NR6A1: variants seen among roughly 807,000 people sequenced by gnomAD.
The protein encoded by NR6A1 is nuclear receptor subfamily 6 group A member 1, also known as retinoic acid receptor-related testis-associated receptor.
Under a neutral mutation model 59.1 loss-of-function variants are expected in NR6A1, and 7 were observed. The observed-to-expected ratio is 0.12, with a 90% confidence interval of 0.07 to 0.22. The LOEUF (loss-of-function observed/expected upper bound fraction) is 0.22. NR6A1 is among the 10% of genes least tolerant of loss of function. NR6A1 has a pLI of 1.00. For synonymous variants in NR6A1, 243 were observed against 236.1 expected (o/e 1.03, Z -0.27); for missense variants, 468 against 611.6 (o/e 0.77, Z 2.48).
chr9:124,659,249 G>C (rs943936408), intron 2 of NR6A1, among the ~76,000 whole-genome samples: 1 of 151,884 alleles, frequency 6.6e-6, no homozygotes, highest in Non-Finnish European at 1.5e-5. Flanking sequence ...TAGGCCAGCA[G>C]TGGGTGAGAC....
In NR6A1 at chr9:124,687,291, A is replaced by ATTAATTAATTAATTATTTAT. The variant is rs59770058; in HGVS notation, c.142+46016_142+46017insATAAATAATTAATTAATTAA. Among the ~76,000 whole-genome samples the ATTAATTAATTAATTATTTAT allele has an allele frequency of 2.5e-3, 358 of 142,158 alleles. 1 individual carries two copies. The highest frequency in any genetic ancestry group is 0.011 in the East Asian group (51 of 4,842). The allele number at this position is 142,158 out of a possible 152,430, so 93.3% of individuals were successfully genotyped here. A position where few individuals can be genotyped will look rare whatever the true frequency, so the allele number is the denominator to read the frequency against. The stretch of plus-strand genomic sequence containing the variant: ...ACATGCCACCACAGCCAGCTAATTA[A>ATTAATTAATTAATTATTTAT]TTATTTATTTATTTATTTATTTATT... On this transcript the variant is annotated intron_variant, in intron 2 of 9. Coordinates refer to ENST00000487099, the MANE Select transcript of NR6A1 (RefSeq NM_033334.4).
chr9:124,643,744 T>G (rs547083876), intron 2 of NR6A1, among the ~76,000 whole-genome samples: 2 of 115,850 alleles, frequency 1.7e-5, no homozygotes, highest in African/African-American at 7.1e-5. Flanking sequence ...AAGAGTGAGA[T>G]CCCATCTCAA....
At chr9:124,741,462 TATGA>T (rs1036538989) in intron 1 of NR6A1, among the ~76,000 whole-genome samples, 25 of 152,340 alleles carry the variant, frequency 1.6e-4, no homozygotes, top group African/African-American at 6.0e-4. Context: ...AAGGTAGAGA[TATGA>T]ATAAGACTGA....
chr9:124,518,763 T>A lies in NR6A1; in HGVS notation c.*3942A>T, dbSNP rs1200710757. The A allele has an allele frequency of 6.6e-6, 1 of 151,102 alleles. No individual in the cohort carries two copies. Among genetic ancestry groups the A allele is most frequent in the Non-Finnish European group, 1.5e-5 (1 of 67,828 alleles). The allele number at this position is 151,102 out of a possible 1,614,324, so 9.4% of individuals were successfully genotyped here. A position where few individuals can be genotyped will look rare whatever the true frequency, so the allele number is the denominator to read the frequency against. On this transcript the variant is annotated 3_prime_UTR_variant, in exon 10 of 10. Transcript: ENST00000487099. ...AATTTTGTTTGTTTTTTGGGTTTTT[T>A]TTTTTTTTACTTTAAAAAAATCAAT... is the stretch of plus-strand genomic sequence containing the variant.
At chr9:124,766,882 A>C (rs1351006818) in intron 1 of NR6A1, among the ~76,000 whole-genome samples, 2 of 152,212 alleles carry the variant, frequency 1.3e-5, no homozygotes, top group Admixed American at 1.3e-4. Context: ...CCAATAAATA[A>C]TATCTACCCA....
intron 2 of NR6A1, among the ~76,000 whole-genome samples, chr9:124,677,183 T>C (rs1294342442): frequency 6.6e-6 from 1 of 152,206 alleles, no homozygotes; most frequent in Admixed American, 6.5e-5. Flanking sequence ...ATGTTTCCTA[T>C]CATGAAATAT....
intron 2 of NR6A1, among the ~76,000 whole-genome samples, chr9:124,729,261 T>C (rs567315948): frequency 3.3e-5 from 5 of 152,358 alleles, no homozygotes; most frequent in Non-Finnish European, 7.3e-5. Context: ...TATATAAGCA[T>C]CATTTACAGT....
At chr9:124,690,068 T>C (rs1422962939) in intron 2 of NR6A1, among the ~76,000 whole-genome samples, 1 of 152,216 alleles carries the variant, frequency 6.6e-6, no homozygotes, top group African/African-American at 2.4e-5. Flanking sequence ...CATGCTGTTG[T>C]TATCTTCATA....
chr9:124,766,582 CAG>C (rs1450090900), intron 1 of NR6A1, among the ~76,000 whole-genome samples: 1 of 152,076 alleles, frequency 6.6e-6, no homozygotes, highest in African/African-American at 2.4e-5. Flanking sequence ...TTAAAAAAAA[CAG>C]ACTGACCCAA....
chr9:124,593,668 C>A (rs781604692), intron 2 of NR6A1, among the ~76,000 whole-genome samples: 7 of 152,160 alleles, frequency 4.6e-5, no homozygotes, highest in Admixed American at 1.3e-4. Flanking sequence ...CTTTAAGCGG[C>A]AATCTAATTT....
intron 1 of NR6A1, among the ~76,000 whole-genome samples, chr9:124,767,677 A>G (rs560739824): frequency 5.9e-5 from 9 of 152,318 alleles, no homozygotes; most frequent in East Asian, 5.8e-4. Flanking sequence ...AAGTTAAATC[A>G]TCATGGGAAA....
intron 2 of NR6A1, among the ~76,000 whole-genome samples, chr9:124,579,203 G>A (rs1457719410): frequency 1.3e-5 from 2 of 152,148 alleles, no homozygotes; most frequent in African/African-American, 4.8e-5. Flanking sequence ...GATTGCCTGA[G>A]CTCAAGAGTT....
Position 124,633,176 on chromosome 9 carries a change from G to A in NR6A1, c.143-78606C>T, listed in dbSNP as rs534549637. Among the ~76,000 whole-genome samples, 89 of 152,156 alleles carry A rather than the reference G, an allele frequency of 5.8e-4. 1 individual carries two copies. The South Asian group carries it at 0.018, about 31-fold the overall frequency. On this transcript the variant is annotated intron_variant, in intron 2 of 9. Coordinates refer to ENST00000487099, the MANE Select transcript of NR6A1 (RefSeq NM_033334.4). The stretch of plus-strand genomic sequence containing the variant: ...TCCCAGCTCTTTGGGAGGCCAAGGC[G>A]AGCGGATCACCAGGTCAGGAGATCG...
At chr9:124,760,340 T>TA (rs1050081587) in intron 1 of NR6A1, among the ~76,000 whole-genome samples, 1 of 151,688 alleles carries the variant, frequency 6.6e-6, no homozygotes, top group African/African-American at 2.4e-5. Context: ...AAAATAAAAA[T>TA]AAAATAAAAG....
At chr9:124,671,361 G>C (rs1837789844) in intron 2 of NR6A1, among the ~76,000 whole-genome samples, 1 of 152,058 alleles carries the variant, frequency 6.6e-6, no homozygotes. Context: ...CTATTTTCCT[G>C]AGCTGTAAAA....
intron 2 of NR6A1, among the ~76,000 whole-genome samples, chr9:124,647,008 G>A (rs1205818212): frequency 1.3e-5 from 2 of 152,134 alleles, no homozygotes; most frequent in Non-Finnish European, 2.9e-5. Flanking sequence ...TCAAACTCCT[G>A]GGCTCAAATG....
intron 2 of NR6A1, among the ~76,000 whole-genome samples, chr9:124,666,159 A>C (rs1272302215): frequency 1.3e-5 from 2 of 152,034 alleles, no homozygotes; most frequent in Non-Finnish European, 2.9e-5. Flanking sequence ...AGTGGAAAAG[A>C]GGTCTGGCAA....
chr9:124,718,937 C>A (rs142060857), intron 2 of NR6A1, among the ~76,000 whole-genome samples: 1,554 of 151,202 alleles, frequency 0.01, 26 homozygotes, highest in African/African-American at 0.036. Context: ...ACCTCAGCAT[C>A]CCCAGTAGCT....
rs539811551 is a variant in NR6A1, at chr9:124,655,280, C to A, written c.142+78028G>T. ...CTAACATAATGGCTCTTGAGTCAAG[C>A]GAGAACAAGCAATTTGAACAAAGGT... On this transcript the variant is annotated intron_variant, in intron 2 of 9. Coordinates refer to ENST00000487099, the MANE Select transcript of NR6A1 (RefSeq NM_033334.4). 6.0e-4 allele frequency among the ~76,000 whole-genome samples: 91 copies of A among 152,222 alleles called. 1 individual carries two copies. In the South Asian group the frequency reaches 0.018, roughly 31 times the overall value.
Sources: gnomAD v4.1 joint callset for allele counts (sites outside exome capture counted in the v4.1 genomes callset) on GRCh38, gnomAD v4.1.1 for gene constraint, MANE v1.5 for transcripts, NCBI Gene and HGNC (gene_info 2026-07-23, HGNC 2026-07-21) for gene names.